Variants in MAGI2 observed in about 807,000 individuals in gnomAD.
MAGI2 encodes membrane associated guanylate kinase, WW and PDZ domain containing 2, also known as membrane-associated guanylate kinase, WW and PDZ domain-containing protein 2.
A neutral mutation model predicts 133.3 loss-of-function variants in MAGI2; 35 were observed. The observed-to-expected ratio is 0.26, with a 90% CI of 0.20 to 0.35. MAGI2 has a LOEUF of 0.35. Among genes scored for constraint, MAGI2 ranks in the 10% least tolerant of loss-of-function variants. The probability of loss-of-function intolerance (pLI) is 1.00; values close to 1 mark genes in which losing one functional copy is unlikely to be tolerated. For synonymous variants in MAGI2, 729 were observed against 710.6 expected, an observed-to-expected ratio of 1.03 and a Z score of -0.41; for missense variants, 1,636 against 1,863.4, an observed-to-expected ratio of 0.88 and a Z score of 2.25.
chr7:78,932,940 C>T (rs960325624), intron 2 of MAGI2, among the ~76,000 whole-genome samples: 1 of 152,086 alleles, frequency 6.6e-6, no homozygotes, highest in African/African-American at 2.4e-5. Context: ...GACTGAATAA[C>T]TGTGCTGGGA....
intron 2 of MAGI2, among the ~76,000 whole-genome samples, chr7:78,799,234 T>C (rs1356042637): frequency 3.3e-5 from 5 of 152,130 alleles, no homozygotes. Flanking sequence ...GTTGATAGCA[T>C]ACAAGGGGCT....
At chr7:79,366,290 AT>A (rs1202158870) in intron 1 of MAGI2, among the ~76,000 whole-genome samples, 1 of 152,148 alleles carries the variant, frequency 6.6e-6, no homozygotes, top group Non-Finnish European at 1.5e-5. Flanking sequence ...CAATCCCAAA[AT>A]GTTATACACT....
chr7:78,651,957 G>A (rs553512151), intron 2 of MAGI2, among the ~76,000 whole-genome samples: 2 of 34,392 alleles, frequency 5.8e-5, no homozygotes, highest in South Asian at 2.7e-3. Context: ...GCATTTTGTG[G>A]TGTAAACACC....
intron 4 of MAGI2, chr7:78,509,303 T>C (rs1300802037): frequency 6.6e-6 from 1 of 152,186 alleles, no homozygotes; most frequent in Non-Finnish European, 1.5e-5. Flanking sequence ...TTATAACATA[T>C]AGTCTTATAA....
intron 1 of MAGI2, among the ~76,000 whole-genome samples, chr7:79,302,179 C>G (rs1837441415): frequency 6.6e-6 from 1 of 152,106 alleles, no homozygotes; most frequent in Admixed American, 6.6e-5. Flanking sequence ...CCAGCAATAA[C>G]TGAGATTAAT....
At chr7:78,884,231 AT>A (rs1199501644) in intron 2 of MAGI2, among the ~76,000 whole-genome samples, 4 of 152,170 alleles carry the variant, frequency 2.6e-5, no homozygotes, top group Admixed American at 1.3e-4. Flanking sequence ...TAATCCCATC[AT>A]TTTGGGAGGC....
intron 2 of MAGI2, among the ~76,000 whole-genome samples, chr7:78,823,991 C>A (rs1790402591): frequency 6.6e-6 from 1 of 152,012 alleles, no homozygotes; most frequent in South Asian, 2.1e-4. Context: ...ATTGAAATTT[C>A]TCAGATTAGT....
At chr7:78,819,904 T>C (rs948830064) in intron 2 of MAGI2, among the ~76,000 whole-genome samples, 1 of 152,074 alleles carries the variant, frequency 6.6e-6, no homozygotes. Flanking sequence ...GCTATTGACA[T>C]GAAGCCTGGT....
At chr7:78,654,621 A>C (rs1435222876) in intron 2 of MAGI2, among the ~76,000 whole-genome samples, 1 of 150,186 alleles carries the variant, frequency 6.7e-6, no homozygotes, top group East Asian at 2.0e-4. Flanking sequence ...ACTAGCCCAT[A>C]GCCCCATTTC....
intron 2 of MAGI2, among the ~76,000 whole-genome samples, chr7:78,909,456 A>T (rs1337953231): frequency 6.6e-6 from 1 of 150,740 alleles, no homozygotes; most frequent in Non-Finnish European, 1.5e-5. Flanking sequence ...AAAAAAAATT[A>T]GCCAGGCGTG....
At chr7:79,441,985 C>G (rs1352700989) in intron 1 of MAGI2, among the ~76,000 whole-genome samples, 1 of 152,114 alleles carries the variant, frequency 6.6e-6, no homozygotes, top group Non-Finnish European at 1.5e-5. Context: ...TACCTTGCCC[C>G]TGCCTCTTCT....
At chr7:78,484,332 GAT>G (rs1584346128) in intron 6 of MAGI2, 1 of 151,942 alleles carries the variant, frequency 6.6e-6, no homozygotes, top group East Asian at 1.9e-4. Flanking sequence ...TTTTTAAAAA[GAT>G]AGATTAATTA....
At chr7:78,853,901 C>T (rs1793394054) in intron 2 of MAGI2, among the ~76,000 whole-genome samples, 1 of 151,608 alleles carries the variant, frequency 6.6e-6, no homozygotes, top group Non-Finnish European at 1.5e-5. Flanking sequence ...AATGCCATGG[C>T]AAGATAAGTG....
intron 1 of MAGI2, among the ~76,000 whole-genome samples, chr7:79,224,579 A>G (rs1051131135): frequency 2.0e-5 from 3 of 152,080 alleles, no homozygotes; most frequent in Non-Finnish European, 2.9e-5. Flanking sequence ...ATGTTCATCA[A>G]TTGGGGAATG....
intron 21 of MAGI2, among the ~76,000 whole-genome samples, chr7:78,045,513 A>C (rs1215725963): frequency 1.3e-5 from 2 of 152,228 alleles, no homozygotes; most frequent in African/African-American, 4.8e-5. Context: ...CAATGTGTTA[A>C]GCACTTTAAT....
At chr7:78,416,721 C>A (rs1053712246) in intron 6 of MAGI2, among the ~76,000 whole-genome samples, 1 of 152,106 alleles carries the variant, frequency 6.6e-6, no homozygotes, top group Non-Finnish European at 1.5e-5. Flanking sequence ...AAGCCTCCAC[C>A]TTTGTGAATG....
chr7:79,013,251 T>C (rs1201487121), intron 1 of MAGI2, among the ~76,000 whole-genome samples: 2 of 152,336 alleles, frequency 1.3e-5, no homozygotes, highest in South Asian at 2.1e-4. Flanking sequence ...AATAAAACTA[T>C]GAATAATCTC....
intron 2 of MAGI2, among the ~76,000 whole-genome samples, chr7:78,660,785 GTCTC>G (rs1447984494): frequency 7.2e-5 from 11 of 151,952 alleles, no homozygotes; most frequent in Non-Finnish European, 1.5e-4. Flanking sequence ...CACTGTAATT[GTCTC>G]TCTCCTCATA....
chr7:79,400,352 AATT>A (rs1241847033), intron 1 of MAGI2, among the ~76,000 whole-genome samples: 35 of 152,310 alleles, frequency 2.3e-4, no homozygotes, highest in African/African-American at 8.2e-4. Flanking sequence ...GGGGAAAATC[AATT>A]ATGCTTTGAA....
Sources: gnomAD v4.1 joint callset for allele counts (sites outside exome capture counted in the v4.1 genomes callset) on GRCh38, gnomAD v4.1.1 for gene constraint, MANE v1.5 for transcripts, NCBI Gene and HGNC (gene_info 2026-07-23, HGNC 2026-07-21) for gene names.